CRYBG1: variants seen among roughly 807,000 people sequenced by gnomAD.
The protein encoded by CRYBG1 is beta/gamma crystallin domain-containing protein 1.
Under a neutral mutation model 189.2 loss-of-function variants are expected in CRYBG1, and 139 were observed. The observed-to-expected ratio is 0.73, with a 90% CI of 0.64 to 0.85. CRYBG1 has a LOEUF of 0.85. Ranked by LOEUF, CRYBG1 falls within the 40% of genes least tolerant of loss-of-function variation. The pLI is 0.00. For missense variants in CRYBG1, 2,611 were observed against 2,675.8 expected, an observed-to-expected ratio of 0.98 and a Z score of 0.53; for synonymous variants, 1,023 against 1,017.1, an observed-to-expected ratio of 1.01 and a Z score of -0.11.
chr6:106,452,147 C>T (rs1444173683), intron 2 of CRYBG1, among the ~76,000 whole-genome samples: 2 of 148,200 alleles, frequency 1.3e-5, no homozygotes. Flanking sequence ...TGGCTCACGC[C>T]TGTAATCCCA....
chr6:106,417,612 T>C lies in CRYBG1; in HGVS notation c.174-34082T>C, dbSNP rs550836993. Among the ~76,000 whole-genome samples, 9 of 152,346 alleles carry C rather than the reference T, an allele frequency of 5.9e-5. No individual in the cohort carries two copies. The South Asian group carries it at 1.9e-3, about 32-fold the overall frequency. Reference sequence around the variant, plus strand: ...TCATAGGTTAGGGATAAAAGGAATATCTTATTGACACAGGAATTTTCTCTC... The same window carrying C: ...TCATAGGTTAGGGATAAAAGGAATACCTTATTGACACAGGAATTTTCTCTC... On this transcript the variant is annotated intron_variant, in intron 1 of 21. Transcript: ENST00000633556.
At chr6:106,444,719 A>G (rs1771631926) in intron 1 of CRYBG1, among the ~76,000 whole-genome samples, 1 of 152,248 alleles carries the variant, frequency 6.6e-6, no homozygotes, top group African/African-American at 2.4e-5. Context: ...AGATAGAAGT[A>G]TTAAGGCAAA....
rs1242910026 is a variant in CRYBG1 at position 106,571,864 on chromosome 6, T to A, written c.*3298T>A. On this transcript the variant is annotated 3_prime_UTR_variant, in exon 22 of 22. Transcript: ENST00000633556. ...TTACTGGCCAAAATGGTGTGTTTAT[T>A]TTTTAAAGCTTGTATCATGGAATGT... 1.3e-5 allele frequency: 8 copies of A among 594,344 alleles called. No individual in the cohort carries two copies. Among genetic ancestry groups the A allele is most frequent in the Non-Finnish European group, 2.1e-5 (7 of 334,982 alleles). 36.8% of individuals were successfully genotyped at this position (594,344 alleles called of 1,614,324 possible).
intron 1 of CRYBG1, among the ~76,000 whole-genome samples, chr6:106,401,998 C>A (rs1770728964): frequency 6.7e-6 from 1 of 148,548 alleles, no homozygotes. Context: ...TCTTATACAC[C>A]AACAACAGAC....
chr6:106,460,280 C>T (rs951983859), intron 2 of CRYBG1, among the ~76,000 whole-genome samples: 6 of 151,914 alleles, frequency 3.9e-5, no homozygotes, highest in Non-Finnish European at 7.4e-5. Context: ...CGTGAGCCAC[C>T]GCGCCCAGCC....
intron 1 of CRYBG1, among the ~76,000 whole-genome samples, chr6:106,440,779 GA>G (rs1771553635): frequency 6.6e-6 from 1 of 152,166 alleles, no homozygotes; most frequent in African/African-American, 2.4e-5. Flanking sequence ...TACAGCCTGT[GA>G]AAAATTCTCC....
chr6:106,499,454 C>A (rs375903542), intron 2 of CRYBG1, among the ~76,000 whole-genome samples: 1 of 151,274 alleles, frequency 6.6e-6, no homozygotes, highest in African/African-American at 2.4e-5. Context: ...GCCACCGCAC[C>A]CAGCCTGTGT....
intron 13 of CRYBG1, among the ~76,000 whole-genome samples, chr6:106,549,065 A>C (rs1040317158): frequency 2.0e-5 from 3 of 151,924 alleles, no homozygotes; most frequent in African/African-American, 7.3e-5. Flanking sequence ...CCTACAAAGG[A>C]CATGAACTCA....
Position 106,513,041 on chromosome 6 carries a change from TAA to T in CRYBG1, c.1922+3_1922+4del. ...GACAGTGACCACTAAAGTGACCCTG[TAA>T]GTAGCCGCGCAAGTCCCGGCCGAGT... is the stretch of plus-strand genomic sequence containing the variant. On this transcript the variant is annotated splice_donor_region_variant and intron_variant, in intron 3 of 21. Coordinates refer to ENST00000633556, the MANE Select transcript of CRYBG1 (RefSeq NM_001371242.2). The T allele has an allele frequency of 6.3e-7, 1 of 1,598,482 alleles. No individual in the cohort carries two copies. Among genetic ancestry groups the T allele is most frequent in the Non-Finnish European group, 8.5e-7 (1 of 1,178,504 alleles).
At chr6:106,389,230 A>G (rs1770452506) in intron 1 of CRYBG1, among the ~76,000 whole-genome samples, 1 of 152,040 alleles carries the variant, frequency 6.6e-6, no homozygotes, top group Admixed American at 6.6e-5. Flanking sequence ...ATTGCCGTAT[A>G]TATTTATTGG....
At chr6:106,461,009 A>C (rs1307517736) in intron 2 of CRYBG1, among the ~76,000 whole-genome samples, 1 of 151,878 alleles carries the variant, frequency 6.6e-6, no homozygotes, top group Non-Finnish European at 1.5e-5. Flanking sequence ...CTGGTCCTGA[A>C]CTCCTGACCT....
chr6:106,556,481 T>C (rs896308188), intron 17 of CRYBG1, among the ~76,000 whole-genome samples: 3 of 152,238 alleles, frequency 2.0e-5, no homozygotes, highest in Non-Finnish European at 4.4e-5. Flanking sequence ...TTTTAGTCTA[T>C]TATTATTCTG....
At position 106,571,936 on chromosome 6, in the gene CRYBG1, T is replaced by C. The variant is rs1476141957; in HGVS notation, c.*3370T>C. ...TTTGAAAGGGATGGCTAGAAAAAAA[T>C]TTGGGCTCACAGGCACTCACCAAAT... On this transcript the variant is annotated 3_prime_UTR_variant, in exon 22 of 22. Transcript: ENST00000633556. 2.6e-6 allele frequency: 3 copies of C among 1,170,964 alleles called. No individual in the cohort carries two copies. The highest frequency in any genetic ancestry group is 3.8e-6 in the Non-Finnish European group (3 of 790,422). The allele number at this position is 1,170,964 out of a possible 1,614,324, so 72.5% of individuals were successfully genotyped here.
intron 1 of CRYBG1, among the ~76,000 whole-genome samples, chr6:106,398,450 T>A (rs571402601): frequency 3.9e-5 from 6 of 151,904 alleles, no homozygotes; most frequent in Admixed American, 1.3e-4. Flanking sequence ...TCTCAAAAAA[T>A]AAATAAATAA....
chr6:106,473,635 C>A (rs578205989), intron 2 of CRYBG1, among the ~76,000 whole-genome samples: 1 of 152,116 alleles, frequency 6.6e-6, no homozygotes, highest in Non-Finnish European at 1.5e-5. Flanking sequence ...ATATTCTGTG[C>A]CCCAGGGATG....
intron 2 of CRYBG1, among the ~76,000 whole-genome samples, chr6:106,479,465 C>T (rs771379340): frequency 5.3e-5 from 8 of 152,192 alleles, no homozygotes; most frequent in Non-Finnish European, 1.0e-4. Flanking sequence ...AAAACTGGAT[C>T]GTATGGCAAT....
At chr6:106,422,667 A>G (rs373226439) in intron 1 of CRYBG1, among the ~76,000 whole-genome samples, 1 of 152,130 alleles carries the variant, frequency 6.6e-6, no homozygotes, top group African/African-American at 2.4e-5. Context: ...CACATATTTC[A>G]TCATCTTCTG....
At chr6:106,407,550 C>T (rs1298340883) in intron 1 of CRYBG1, among the ~76,000 whole-genome samples, 2 of 152,178 alleles carry the variant, frequency 1.3e-5, no homozygotes, top group South Asian at 2.1e-4. Flanking sequence ...ACAGAACTCT[C>T]CACCCCAAAT....
intron 16 of CRYBG1, among the ~76,000 whole-genome samples, chr6:106,554,858 T>C (rs1774496116): frequency 6.6e-6 from 1 of 151,956 alleles, no homozygotes; most frequent in Non-Finnish European, 1.5e-5. Context: ...CAAAAGGCAT[T>C]TGTTGGGTTA....
Sources: allele counts gnomAD v4.1 joint callset (sites outside exome capture counted in the v4.1 genomes callset), GRCh38; gene constraint gnomAD v4.1.1; transcripts MANE v1.5; gene names NCBI Gene and HGNC (gene_info 2026-07-23, HGNC 2026-07-21).